The following AFF3 variants were observed in gnomAD, a reference collection of about 807,000 sequenced individuals.
AFF3 encodes AF4/FMR2 family member 3.
Under a neutral mutation model 129.7 loss-of-function variants are expected in AFF3, and 32 were observed. The ratio of observed to expected loss-of-function variants is 0.25; its 90% CI spans 0.19 to 0.33. The LOEUF is 0.33. AFF3 is among the 10% of genes least tolerant of loss of function. The pLI, the probability that AFF3 is intolerant of heterozygous loss-of-function variation, is 1.00. For synonymous variants in AFF3, 644 were observed against 635.4 expected, an observed-to-expected ratio of 1.01 and a Z score of -0.20; for missense variants, 1,373 against 1,592.0, an observed-to-expected ratio of 0.86 and a Z score of 2.34.
rs557105921 is a variant in AFF3 at position 99,596,847 on chromosome 2, A to T, written c.1372-2558T>A. 4.6e-5 allele frequency among the ~76,000 whole-genome samples: 7 copies of T among 152,342 alleles called. No individual in the cohort carries two copies. The South Asian group carries it at 1.5e-3, about 32-fold the overall frequency. ...TTTTTCTGCACTTCACAGCTGAGGAAATCAGTTTGAAGTACCCACTTTCAA... is the reference window on the plus strand; with the variant it reads ...TTTTTCTGCACTTCACAGCTGAGGATATCAGTTTGAAGTACCCACTTTCAA... On this transcript the variant is annotated intron_variant, in intron 14 of 24. Transcript: ENST00000672756.
chr2:99,925,948 A>T (rs1017682038), intron 7 of AFF3, among the ~76,000 whole-genome samples: 1 of 152,226 alleles, frequency 6.6e-6, no homozygotes, highest in Non-Finnish European at 1.5e-5. Context: ...TAATGTTGGG[A>T]TATAAGCTGA....
chr2:99,919,982 T>C (rs927332293), intron 7 of AFF3, among the ~76,000 whole-genome samples: 4 of 152,036 alleles, frequency 2.6e-5, no homozygotes, highest in African/African-American at 9.7e-5. Flanking sequence ...AATAGAGAAA[T>C]TCCTTGAAAA....
At chr2:99,566,984 T>C (rs1256927255) in intron 19 of AFF3, among the ~76,000 whole-genome samples, 1 of 151,332 alleles carries the variant, frequency 6.6e-6, no homozygotes, top group African/African-American at 2.4e-5. Context: ...TTTTTTTTTT[T>C]GGAGACAGGG....
chr2:100,036,624 C>T (rs1242485777), intron 4 of AFF3, among the ~76,000 whole-genome samples: 1 of 151,596 alleles, frequency 6.6e-6, no homozygotes, highest in Non-Finnish European at 1.5e-5. Flanking sequence ...ATCATATACA[C>T]ATAACCACAA....
intron 12 of AFF3, among the ~76,000 whole-genome samples, chr2:99,667,628 A>G (rs1360446785): frequency 6.6e-6 from 1 of 152,220 alleles, no homozygotes; most frequent in African/African-American, 2.4e-5. Flanking sequence ...ATAAAAAAGA[A>G]AGAAGACAAA....
intron 8 of AFF3, among the ~76,000 whole-genome samples, chr2:99,774,812 CAGAATGGGA>C (rs1683762156): frequency 6.6e-6 from 1 of 152,122 alleles, no homozygotes; most frequent in South Asian, 2.1e-4. Flanking sequence ...AGACAACCTA[CAGAATGGGA>C]GAAAATTTTT....
chr2:99,568,305 G>C (rs1429649820), intron 19 of AFF3, among the ~76,000 whole-genome samples: 1 of 152,194 alleles, frequency 6.6e-6, no homozygotes, highest in East Asian at 1.9e-4. Context: ...TCTTGCCTGA[G>C]AGCTTCAAGC....
chr2:99,939,280 C>T (rs1674808924), intron 7 of AFF3, among the ~76,000 whole-genome samples: 1 of 152,212 alleles, frequency 6.6e-6, no homozygotes, highest in Non-Finnish European at 1.5e-5. Context: ...AGAGAAGTTA[C>T]TTAATGCATA....
At chr2:100,017,749 A>G (rs1683252850) in intron 4 of AFF3, among the ~76,000 whole-genome samples, 2 of 152,196 alleles carry the variant, frequency 1.3e-5, no homozygotes, top group South Asian at 4.1e-4. Context: ...GTGGAGAAAC[A>G]AGAGGCTCTG....
intron 18 of AFF3, among the ~76,000 whole-genome samples, chr2:99,572,364 T>G (rs1461017732): frequency 7.8e-6 from 1 of 128,626 alleles, no homozygotes; most frequent in Non-Finnish European, 1.6e-5. Context: ...TACCCCCATA[T>G]TTCTTCTGGC....
intron 11 of AFF3, chr2:99,707,262 A>C: frequency 1.0e-6 from 1 of 985,412 alleles, no homozygotes; most frequent in South Asian, 4.7e-5. Flanking sequence ...TCCAAGATTA[A>C]AGGAAGAGCC....
intron 13 of AFF3, among the ~76,000 whole-genome samples, chr2:99,643,546 G>GGGTGGCAAC (rs1684414501): frequency 1.3e-5 from 2 of 152,144 alleles, no homozygotes; most frequent in African/African-American, 4.8e-5. Flanking sequence ...TATTAGTACT[G>GGGTGGCAAC]TGTGGCAACT....
intron 13 of AFF3, among the ~76,000 whole-genome samples, chr2:99,642,957 G>A (rs760511268): frequency 2.6e-5 from 4 of 151,338 alleles, no homozygotes; most frequent in Non-Finnish European, 5.9e-5. Context: ...CAACTTAATT[G>A]TACATTTAAA....
At chr2:99,807,309 G>T (rs553410480) in intron 8 of AFF3, among the ~76,000 whole-genome samples, 1 of 152,142 alleles carries the variant, frequency 6.6e-6, no homozygotes, top group Non-Finnish European at 1.5e-5. Flanking sequence ...GTTGGCTCCC[G>T]AAGTCTAATA....
rs1042091099 is a variant in AFF3 at position 99,778,418 on chromosome 2, T to C, written c.922-26117A>G. Among the ~76,000 whole-genome samples the C allele has an allele frequency of 9.2e-5, 14 of 152,300 alleles. No individual in the cohort carries two copies. The South Asian group carries it at 2.9e-3, about 32-fold the overall frequency. On this transcript the variant is annotated intron_variant, in intron 8 of 24. Transcript: ENST00000672756. The stretch of plus-strand genomic sequence containing the variant: ...AAACAGAGGGGATTAACAGCACGCA[T>C]AGAAAGCAATAGATGTATTCATGCA...
intron 4 of AFF3, among the ~76,000 whole-genome samples, chr2:100,048,030 G>A (rs767430948): frequency 9.9e-5 from 15 of 152,218 alleles, no homozygotes; most frequent in Non-Finnish European, 2.2e-4. Flanking sequence ...AACCAAAGAC[G>A]TTCTGGTGTT....
chr2:99,609,264 T>C lies in AFF3; in HGVS notation c.1185-7643A>G, dbSNP rs1680683139. On this transcript the variant is annotated intron_variant, in intron 13 of 24. Coordinates refer to ENST00000672756, the MANE Select transcript of AFF3 (RefSeq NM_001386135.1). The stretch of plus-strand genomic sequence containing the variant: ...CATAGGTTTTTGGGGGGGAGGGGAA[T>C]AGGTGGCATTTGGTTACATGAGTAA... Among the ~76,000 whole-genome samples, 4 of 152,052 alleles carry C rather than the reference T, an allele frequency of 2.6e-5. No individual in the cohort carries two copies. In the South Asian group the frequency reaches 8.3e-4, roughly 32 times the overall value.
At chr2:99,680,295 A>T (rs1353896176) in intron 11 of AFF3, among the ~76,000 whole-genome samples, 1 of 152,206 alleles carries the variant, frequency 6.6e-6, no homozygotes, top group African/African-American at 2.4e-5. Context: ...GATGGGTTTA[A>T]ATCCTGTCTT....
At chr2:99,845,869 GTT>G (rs1210562099) in intron 7 of AFF3, among the ~76,000 whole-genome samples, 22 of 152,110 alleles carry the variant, frequency 1.4e-4, no homozygotes, top group African/African-American at 5.3e-4. Context: ...GTCTTGCTCT[GTT>G]GCCTAGGCTG....
Sources: allele counts gnomAD v4.1 joint callset (sites outside exome capture counted in the v4.1 genomes callset), GRCh38; gene constraint gnomAD v4.1.1; transcripts MANE v1.5; gene names NCBI Gene and HGNC (gene_info 2026-07-23, HGNC 2026-07-21).